The following ACACB variants were observed in gnomAD, a reference collection of about 807,000 sequenced individuals.
ACACB encodes acetyl-CoA carboxylase 2.
In ACACB, 209 loss-of-function variants were observed where a neutral mutation model predicts 278.8. The ratio of observed to expected loss-of-function variants is 0.75; its 90% CI spans 0.67 to 0.84. ACACB has a LOEUF of 0.84. Ranked by LOEUF, ACACB falls within the 40% of genes least tolerant of loss-of-function variation. The pLI is 0.00. For synonymous variants in ACACB, 1,174 were observed against 1,285.6 expected, an observed-to-expected ratio of 0.91 and a Z score of 1.86; for missense variants, 2,850 against 3,269.0, an observed-to-expected ratio of 0.87 and a Z score of 3.13.
chr12:109,264,170 T>A, intron 49 of ACACB, 62 bp from the exon 50 acceptor site: 3 of 1,454,974 alleles, frequency 2.1e-6, no homozygotes, highest in South Asian at 1.3e-5. Flanking sequence ...AAAAAAAAAA[T>A]CTCCACCCCA....
At position 109,196,983 on chromosome 12, in the gene ACACB, G is replaced by A. The variant is rs541273957; in HGVS notation, c.2482-25G>A. On this transcript the variant is annotated intron_variant, in intron 16 of 52. Coordinates refer to ENST00000338432, the MANE Select transcript of ACACB (RefSeq NM_001093.4). ...CTGGGAGCACATCCTGAACCCAGGCGGTGACAAGGGGCTTGTCCCCACAGG... is the reference window on the plus strand; with the variant it reads ...CTGGGAGCACATCCTGAACCCAGGCAGTGACAAGGGGCTTGTCCCCACAGG... 9.8e-5 allele frequency: 150 copies of A among 1,523,836 alleles called. 2 individuals are homozygous for A. In the South Asian group the frequency reaches 1.5e-3, roughly 15 times the overall value. 94.4% of individuals were successfully genotyped at this position (1,523,836 alleles called of 1,614,324 possible). A position where few individuals can be genotyped will look rare whatever the true frequency, so the allele number is the denominator to read the frequency against.
At chr12:109,262,988 A>G (rs1255831381) in intron 49 of ACACB, 2 of 137,472 alleles carry the variant, frequency 1.5e-5, no homozygotes, top group African/African-American at 2.6e-5. Flanking sequence ...ATATATTGCC[A>G]TCGTGAATTT....
At chr12:109,223,935 G>A (rs2046248013) in intron 27 of ACACB, 31 bp downstream of exon 27, 1 of 1,579,692 alleles carries the variant, frequency 6.3e-7, no homozygotes, top group African/African-American at 1.3e-5. Context: ...GAACAGCACT[G>A]ACCATGCCAG....
chr12:109,240,461 A>C (rs1390037501), intron 35 of ACACB, among the ~76,000 whole-genome samples: 3 of 151,960 alleles, frequency 2.0e-5, no homozygotes, highest in Non-Finnish European at 2.9e-5. Flanking sequence ...ATTTGAGACA[A>C]GCCTGGGCAA....
intron 11 of ACACB, among the ~76,000 whole-genome samples, chr12:109,183,908 C>T (rs1190497147): frequency 2.0e-5 from 3 of 151,134 alleles, no homozygotes; most frequent in Non-Finnish European, 4.4e-5. Context: ...AAAAAGTTTT[C>T]TTTATTTTTT....
At chr12:109,142,260 A>C (rs1181546195) in intron 2 of ACACB, among the ~76,000 whole-genome samples, 1 of 152,212 alleles carries the variant, frequency 6.6e-6, no homozygotes, top group Non-Finnish European at 1.5e-5. Context: ...AAATAAAAAA[A>C]CAAAAAAGAA....
At chr12:109,139,303 A>G (rs755417058) in intron 1 of ACACB, 94 bp from the exon 2 acceptor site, 13 of 1,188,038 alleles carry the variant, frequency 1.1e-5, no homozygotes, top group African/African-American at 1.5e-5. Context: ...AGGAATACAC[A>G]GCACCCCAAC....
chr12:109,256,036 T>G, intron 44 of ACACB, 104 bp from the exon 45 acceptor site: 1 of 815,222 alleles, frequency 1.2e-6, no homozygotes, highest in Non-Finnish European at 2.0e-6. Flanking sequence ...GGCTATGAGG[T>G]TAAAGCCAGG....
Position 109,212,934 on chromosome 12 carries a change from G to C in ACACB, c.3348G>C (p.Gln1116His). 6.2e-7 allele frequency: 1 copy of C among 1,613,818 alleles called. No individual in the cohort carries two copies. The highest frequency in any genetic ancestry group is 8.5e-7 in the Non-Finnish European group (1 of 1,179,708). The change falls in exon 22 of 53, where the codon CAG (glutamine) becomes CAC (histidine). Residue 1116 changes from glutamine (Q) to histidine (H), a missense_variant and splice_region_variant. Physicochemically the swap from Gln to His is conservative, Grantham distance 24 (BLOSUM62 0). Transcript: ENST00000338432. ...CCCAGAGCATCGTGCAGTTGGTCCA[G>C]AGGTGAATCCTGGGTCTCCCCGTAG... ...INTQSIVQLV[Q>H]RYRSGIRGYM...
chr12:109,163,511 AAG>A (rs2043802506), intron 2 of ACACB, among the ~76,000 whole-genome samples: 1 of 152,186 alleles, frequency 6.6e-6, no homozygotes. Context: ...CAAGTAGAAG[AAG>A]AGAGAGAATA....
At chr12:109,159,303 T>C (rs971620431) in intron 2 of ACACB, among the ~76,000 whole-genome samples, 1 of 152,162 alleles carries the variant, frequency 6.6e-6, no homozygotes, top group African/African-American at 2.4e-5. Context: ...CTCTTAGCAG[T>C]GCGGGTAGCC....
chr12:109,195,102 G>A (rs1446158146), intron 16 of ACACB, among the ~76,000 whole-genome samples: 1 of 152,158 alleles, frequency 6.6e-6, no homozygotes, highest in Non-Finnish European at 1.5e-5. Flanking sequence ...GGTGAGGCTT[G>A]GTGTCCTAGC....
At chr12:109,264,729 C>T (rs1270377319) in intron 50 of ACACB, among the ~76,000 whole-genome samples, 1 of 152,226 alleles carries the variant, frequency 6.6e-6, no homozygotes, top group South Asian at 2.1e-4. Context: ...AGCATTCACC[C>T]ACCCCTCACC....
Position 109,250,004 on chromosome 12 carries a change from T to C in ACACB, c.5690T>C (p.Ile1897Thr). 6.2e-7 allele frequency: 1 copy of C among 1,613,380 alleles called. No homozygotes were observed. Among genetic ancestry groups the C allele is most frequent in the Non-Finnish European group, 8.5e-7 (1 of 1,179,692 alleles). Residue 1897 changes from isoleucine (I) to threonine (T), a missense_variant, in exon 41 of 53, where the codon ATC (isoleucine) becomes ACC (threonine). Physicochemically the swap from Ile to Thr is moderately conservative, Grantham distance 89. This residue lies in a region of ACACB where 2,265 missense variants were observed against 2,561.3 expected (regional missense o/e 0.88). Transcript: ENST00000338432. Reference protein sequence around the residue: ...GESRYMITDIIGKDDGLGVEN... With the variant: ...GESRYMITDITGKDDGLGVEN... ...TGAAGATACATGATCACGGATATCATCGGGAAGGATGATGGCTTGGGCGTG... is the reference window on the plus strand; with the variant it reads ...TGAAGATACATGATCACGGATATCACCGGGAAGGATGATGGCTTGGGCGTG...
intron 2 of ACACB, among the ~76,000 whole-genome samples, chr12:109,143,358 G>A (rs1484948375): frequency 1.3e-5 from 2 of 151,800 alleles, no homozygotes; most frequent in Non-Finnish European, 2.9e-5. Context: ...AGCTACTAGG[G>A]AGGCTGAGGT....
At chr12:109,212,618 G>C (rs1202324264) in intron 21 of ACACB, among the ~76,000 whole-genome samples, 2 of 152,164 alleles carry the variant, frequency 1.3e-5, no homozygotes, top group African/African-American at 4.8e-5. Flanking sequence ...CTGACAGGAG[G>C]TGGAGCTCAG....
chr12:109,215,898 G>A (rs2045981334), intron 22 of ACACB, among the ~76,000 whole-genome samples: 1 of 152,138 alleles, frequency 6.6e-6, no homozygotes, highest in African/African-American at 2.4e-5. Flanking sequence ...CTGGGCTCAA[G>A]CGATCCTATC....
chr12:109,173,379 GAA>G (rs1268452743), intron 6 of ACACB, among the ~76,000 whole-genome samples: 6 of 152,210 alleles, frequency 3.9e-5, no homozygotes, highest in Admixed American at 1.3e-4. Flanking sequence ...CGGTGGGTCT[GAA>G]AACAGTCTTG....
intron 4 of ACACB, among the ~76,000 whole-genome samples, chr12:109,168,689 G>C (rs560025851): frequency 3.2e-4 from 49 of 152,200 alleles, no homozygotes; most frequent in African/African-American, 1.2e-3. Flanking sequence ...GGGTATAGTG[G>C]CACGCACCTG....
Sources: allele counts gnomAD v4.1 joint callset (sites outside exome capture counted in the v4.1 genomes callset), GRCh38; gene constraint gnomAD v4.1.1; regional missense constraint gnomAD v4.1.1; transcripts MANE v1.5; gene names NCBI Gene and HGNC (gene_info 2026-07-23, HGNC 2026-07-21).